ASTL: variants seen among roughly 807,000 people sequenced by gnomAD.
The protein encoded by ASTL is astacin like metalloendopeptidase, also known as astacin-like metalloendopeptidase.
ASTL carries 27 observed loss-of-function variants against 36.7 expected under a neutral mutation model. That is an observed-to-expected ratio of 0.73 (90% confidence interval 0.54 to 1.01). The LOEUF is 1.01. ASTL is among the 50% of genes least tolerant of loss of function. ASTL has a pLI of 0.00. For missense variants in ASTL, 524 were observed against 572.8 expected (o/e 0.91, Z 0.87); for synonymous variants, 222 against 228.1 (o/e 0.97, Z 0.24).
At chr2:96,136,115 C>T (rs190400964) in intron 2 of ASTL, among the ~76,000 whole-genome samples, 1 of 152,368 alleles carries the variant, frequency 6.6e-6, no homozygotes, top group African/African-American at 2.4e-5. Flanking sequence ...GGGTCTCCCA[C>T]AAGTGACTCA....
At chr2:96,131,688 G>T (rs952567627) in intron 6 of ASTL, among the ~76,000 whole-genome samples, 1 of 152,206 alleles carries the variant, frequency 6.6e-6, no homozygotes, top group Middle Eastern at 3.4e-3. Context: ...CTGAGAAAGC[G>T]GTGTTTGGGG....
At position 96,137,620 on chromosome 2, in the gene ASTL, C is replaced by T; in HGVS notation, c.136G>A (p.Gly46Arg). ...TCCTTGTCCCCGGAGGCCTGGGTTCCCTCAGGGGTGAGGCCATCTGGGAAG... is the reference window on the plus strand; with the variant it reads ...TCCTTGTCCCCGGAGGCCTGGGTTCTCTCAGGGGTGAGGCCATCTGGGAAG... Reference protein sequence around the residue: ...TSFPDGLTPEGTQASGDKDIP... With the variant: ...TSFPDGLTPERTQASGDKDIP... The change falls in exon 2 of 9, where the codon GGA becomes AGA. Residue 46 changes from glycine (G) to arginine (R), a missense_variant. By Grantham distance (125) the Gly-to-Arg change is moderately radical. Coordinates refer to ENST00000342380, the MANE Select transcript of ASTL (RefSeq NM_001002036.4). The T allele has an allele frequency of 6.2e-7, 1 of 1,614,046 alleles. No individual in the cohort carries two copies.
Position 96,130,079 on chromosome 2 carries a change from A to G in ASTL, c.704T>C (p.Val235Ala). 1 of 1,614,086 alleles carries G rather than the reference A, an allele frequency of 6.2e-7. No homozygotes were observed. Among genetic ancestry groups the G allele is most frequent in the Non-Finnish European group, 8.5e-7 (1 of 1,179,908 alleles). ...NMLTPYDYSS[V>A]MHYGRLAFSR... ...GGGTCCTCACCTCCCATAGTGCATCACAGAGGAGTAGTCATAGGGCGTCAG... is the reference window on the plus strand; with the variant it reads ...GGGTCCTCACCTCCCATAGTGCATCGCAGAGGAGTAGTCATAGGGCGTCAG... The change falls in exon 7 of 9, where the codon GTG (valine) becomes GCG (alanine). Residue 235 changes from valine (V) to alanine (A), a missense_variant. Physicochemically the swap from Val to Ala is moderately conservative, Grantham distance 64. Transcript: ENST00000342380.
intron 3 of ASTL, 99 bp from the exon 4 acceptor site, chr2:96,134,157 T>G: frequency 2.6e-6 from 2 of 776,412 alleles, no homozygotes; most frequent in South Asian, 2.9e-5. Flanking sequence ...CCCAAAGATG[T>G]GGGAGTCAGG....
In ASTL at chr2:96,133,165, C is replaced by T. The variant is rs573600619; in HGVS notation, c.455+260G>A. Among the ~76,000 whole-genome samples, 27 of 152,298 alleles carry T rather than the reference C, an allele frequency of 1.8e-4. No homozygotes were observed. In the South Asian group the frequency reaches 1.9e-3, roughly 11 times the overall value. On this transcript the variant is annotated intron_variant, in intron 5 of 8. Coordinates refer to ENST00000342380, the MANE Select transcript of ASTL (RefSeq NM_001002036.4). ...TCAGTGACTCACGCACTGTCTGCCCCGCAAAACCTCCTCTCCTCACCACCT... is the reference window on the plus strand; with the variant it reads ...TCAGTGACTCACGCACTGTCTGCCCTGCAAAACCTCCTCTCCTCACCACCT...
At chr2:96,131,301 A>T (rs1487166959) in intron 6 of ASTL, among the ~76,000 whole-genome samples, 1 of 151,532 alleles carries the variant, frequency 6.6e-6, no homozygotes, top group East Asian at 1.9e-4. Context: ...TTTTTTTTAG[A>T]ATTGCTGTAC....
chr2:96,138,553 C>T, upstream of ASTL: 2 of 879,496 alleles, frequency 2.3e-6, no homozygotes, highest in Non-Finnish European at 3.7e-6. Flanking sequence ...CACCTCCCAC[C>T]TTGCTCCCCT....
Position 96,134,054 on chromosome 2 carries a change from G to A in ASTL, c.248C>T (p.Pro83Leu), listed in dbSNP as rs1323851476. 2.4e-5 allele frequency: 38 copies of A among 1,612,102 alleles called. No individual in the cohort carries two copies. Among genetic ancestry groups the A allele is most frequent in the Non-Finnish European group, 3.2e-5 (38 of 1,178,440 alleles). ...LIEGDIIRPS[P>L]FRLLSATSNK... The stretch of plus-strand genomic sequence containing the variant: ...GCTGGTTGCTGACAGCAGTCGGAAG[G>A]GACTCTGAGGAGAGAGCAGCAGTTC... The change falls in exon 4 of 9, where the codon CCC becomes CTC. Residue 83 changes from proline to leucine, a missense_variant. Physicochemically the swap from Pro to Leu is moderately conservative, Grantham distance 98 (BLOSUM62 -3). Coordinates refer to ENST00000342380, the MANE Select transcript of ASTL (RefSeq NM_001002036.4).
At chr2:96,136,198 G>A (rs570686357) in intron 2 of ASTL, among the ~76,000 whole-genome samples, 76 of 152,356 alleles carry the variant, frequency 5.0e-4, no homozygotes, top group African/African-American at 1.7e-3. Flanking sequence ...TCCCATGGGC[G>A]CTCCAGACCA....
At chr2:96,134,768 C>T (rs1376266995) in intron 3 of ASTL, among the ~76,000 whole-genome samples, 1 of 152,244 alleles carries the variant, frequency 6.6e-6, no homozygotes, top group Non-Finnish European at 1.5e-5. Context: ...TTGCCTTCCC[C>T]TGGGTCACTG....
chr2:96,132,648 G>C lies in ASTL; in HGVS notation c.529C>G (p.Arg177Gly). Residue 177 changes from arginine (R) to glycine (G), a missense_variant, in exon 6 of 9, where the codon CGG becomes GGG. By Grantham distance (125) the Arg-to-Gly change is moderately radical (BLOSUM62 -2). Coordinates refer to ENST00000342380, the MANE Select transcript of ASTL (RefSeq NM_001002036.4). This position sits in a 1 kb window ranked among gnomAD's most constrained non-coding sequence, Gnocchi z 5.4. ...SLAPTCLQKG[R>G]GIVLHELMHV... ...ATGAGCTCATGAAGGACAATGCCCC[G>C]GCCCTTCTGGAGACACGTGGGCGCC... 2 of 1,613,528 alleles carry C rather than the reference G, an allele frequency of 1.2e-6. No individual in the cohort carries two copies. The highest frequency in any genetic ancestry group is 1.7e-6 in the Non-Finnish European group (2 of 1,179,760).
chr2:96,132,139 A>G lies in ASTL; in HGVS notation c.637+401T>C, dbSNP rs1682192189. Among the ~76,000 whole-genome samples, 1 of 152,214 alleles carries G rather than the reference A, an allele frequency of 6.6e-6. No individual in the cohort carries two copies. Among genetic ancestry groups the G allele is most frequent in the Non-Finnish European group, 1.5e-5 (1 of 68,034 alleles). On this transcript the variant is annotated intron_variant, in intron 6 of 8. Transcript: ENST00000342380. The surrounding 1 kb of genome is among the most constrained non-coding windows in gnomAD (Gnocchi z 5.4). ...CTACCTTGGGGTCCCACTTTGGCTC[A>G]GCTCCCCAAGCTGGCACACAGCCCC...
At chr2:96,135,266 C>T in intron 3 of ASTL, 85 bp downstream of exon 3, 1 of 1,110,994 alleles carries the variant, frequency 9.0e-7, no homozygotes, top group Non-Finnish European at 1.4e-6. Context: ...ACACATCAGG[C>T]CCCATGGCAT....
chr2:96,123,816 A>ATGC lies in ASTL; in HGVS notation c.*31_*33dup, dbSNP rs747143221. Reference sequence around the variant, plus strand: ...ACGACCCAGCTCCACTGGGCAGAGGATGCCCTCCCTACTTGGGGACAGAAG... The same window carrying ATGC: ...ACGACCCAGCTCCACTGGGCAGAGGATGCTGCCCTCCCTACTTGGGGACAGAAG... On this transcript the variant is annotated 3_prime_UTR_variant, in exon 9 of 9. Coordinates refer to ENST00000342380, the MANE Select transcript of ASTL (RefSeq NM_001002036.4). 6.3e-7 allele frequency: 1 copy of ATGC among 1,582,350 alleles called. No homozygotes were observed. The highest frequency in any genetic ancestry group is 8.6e-7 in the Non-Finnish European group (1 of 1,159,528).
At chr2:96,136,326 G>A (rs879926466) in intron 2 of ASTL, among the ~76,000 whole-genome samples, 2 of 152,286 alleles carry the variant, frequency 1.3e-5, no homozygotes, top group Non-Finnish European at 2.9e-5. Context: ...CTCTGGCTGA[G>A]GCAGCTCCTT....
intron 8 of ASTL, among the ~76,000 whole-genome samples, chr2:96,126,047 G>A (rs1682057891): frequency 6.6e-6 from 1 of 152,074 alleles, no homozygotes; most frequent in African/African-American, 2.4e-5. Context: ...CTCCAAATAG[G>A]TCATATACCT....
At chr2:96,126,454 T>C (rs530638446) in intron 8 of ASTL, among the ~76,000 whole-genome samples, 1 of 152,344 alleles carries the variant, frequency 6.6e-6, no homozygotes, top group Admixed American at 6.5e-5. Flanking sequence ...GAGATACTAC[T>C]TCACACTCAC....
chr2:96,126,288 G>A (rs1055291478), intron 8 of ASTL, among the ~76,000 whole-genome samples: 10 of 152,216 alleles, frequency 6.6e-5, no homozygotes, highest in African/African-American at 2.2e-4. Flanking sequence ...CATGTGTCTA[G>A]AATATATAAA....
chr2:96,127,935 C>T lies in ASTL; in HGVS notation c.874+1889G>A, dbSNP rs558385854. Among the ~76,000 whole-genome samples, 3 of 151,862 alleles carry T rather than the reference C, an allele frequency of 2.0e-5. No individual in the cohort carries two copies. The East Asian group carries it at 5.8e-4, about 29-fold the overall frequency. On this transcript the variant is annotated intron_variant, in intron 8 of 8. Coordinates refer to ENST00000342380, the MANE Select transcript of ASTL (RefSeq NM_001002036.4). ...TATTTTGTATACAAATTATGTGTTG[C>T]AAAAAAATATATTGGGGCCAGGCAC... is the stretch of plus-strand genomic sequence containing the variant.
Sources: gnomAD v4.1 joint callset for allele counts (sites outside exome capture counted in the v4.1 genomes callset) on GRCh38, gnomAD v4.1.1 for gene constraint, Gnocchi (gnomAD v3.1) non-coding constraint, MANE v1.5 for transcripts, NCBI Gene and HGNC (gene_info 2026-07-23, HGNC 2026-07-21) for gene names.